CTCF: variants seen among roughly 807,000 people sequenced by gnomAD.
CTCF encodes CCCTC-binding factor.
Under a neutral mutation model 72.3 loss-of-function variants are expected in CTCF, and 7 were observed. The ratio of observed to expected loss-of-function variants is 0.10; its 90% confidence interval spans 0.06 to 0.18. The LOEUF is 0.18. Among genes scored for constraint, CTCF ranks in the 10% least tolerant of loss-of-function variants. The pLI is 1.00. For synonymous variants in CTCF, 374 were observed against 315.8 expected (o/e 1.18, Z -1.95); for missense variants, 516 against 949.1 (o/e 0.54, Z 6.00).
At position 67,639,113 on chromosome 16, in the gene CTCF, G is replaced by A. The variant is rs1211877029; in HGVS notation, c.*1241G>A. 1 of 198,302 alleles carries A rather than the reference G, an allele frequency of 5.0e-6. No homozygotes were observed. Among genetic ancestry groups the A allele is most frequent in the Admixed American group, 6.0e-5 (1 of 16,538 alleles). The allele number at this position is 198,302 out of a possible 1,614,324, so 12.3% of individuals were successfully genotyped here. A position where few individuals can be genotyped will look rare whatever the true frequency, so the allele number is the denominator to read the frequency against. The stretch of plus-strand genomic sequence containing the variant: ...GACCTGTAATAAAATATGTAATGGG[G>A]TTGAAAGCTGGGGAGGAGGATCTAC... On this transcript the variant is annotated 3_prime_UTR_variant, in exon 12 of 12. Transcript: ENST00000264010.
chr16:67,618,230 C>T (rs964138892), intron 5 of CTCF, among the ~76,000 whole-genome samples: 1 of 152,060 alleles, frequency 6.6e-6, no homozygotes, highest in Non-Finnish European at 1.5e-5. Flanking sequence ...GGTGAAACAC[C>T]ATCTGTACTA....
intron 2 of CTCF, 93 bp from the exon 3 acceptor site, chr16:67,610,716 CCATTGATGCCTAATT>C: frequency 1.3e-6 from 1 of 749,024 alleles, no homozygotes; most frequent in Non-Finnish European, 2.0e-6. Flanking sequence ...ATATTAACAA[CCATTGATGCCTAATT>C]CATTCACCAA....
intron 2 of CTCF, among the ~76,000 whole-genome samples, chr16:67,601,743 G>A (rs1201931504): frequency 6.6e-6 from 1 of 151,922 alleles, no homozygotes; most frequent in African/African-American, 2.4e-5. Context: ...ACAGTACTCT[G>A]TCAGCTCAAC....
intron 2 of CTCF, among the ~76,000 whole-genome samples, chr16:67,605,164 G>T (rs187238751): frequency 2.5e-4 from 38 of 151,384 alleles, no homozygotes; most frequent in African/African-American, 9.2e-4. Context: ...TAGTAGAGAT[G>T]GTGTTTCACC....
In CTCF at chr16:67,611,484, G is replaced by T; in HGVS notation, c.652G>T (p.Gly218Cys). 6.2e-7 allele frequency: 1 copy of T among 1,614,138 alleles called. No individual in the cohort carries two copies. Among genetic ancestry groups the T allele is most frequent in the Non-Finnish European group, 8.5e-7 (1 of 1,180,032 alleles). ...KKSKLRYTEE[G>C]KDVDVSVYDF... ...GAGCAAACTGCGTTATACAGAGGAGGGCAAAGATGTAGATGTGTCTGTCTA... is the reference window on the plus strand; with the variant it reads ...GAGCAAACTGCGTTATACAGAGGAGTGCAAAGATGTAGATGTGTCTGTCTA... The change falls in exon 3 of 12, where the codon GGC (glycine) becomes TGC (cysteine). Residue 218 changes from glycine (G) to cysteine (C), a missense_variant. Around this residue, in one of 7 missense-constraint regions of CTCF, gnomAD observed 53 missense variants for 63.6 expected, o/e 0.83. Coordinates refer to ENST00000264010, the MANE Select transcript of CTCF (RefSeq NM_006565.4).
chr16:67,564,316 A>G (rs988352179), intron 1 of CTCF, among the ~76,000 whole-genome samples: 6 of 152,364 alleles, frequency 3.9e-5, no homozygotes, highest in Middle Eastern at 3.4e-3. Flanking sequence ...GAGAGAAGAA[A>G]GTCTGGATTA....
chr16:67,572,583 G>C (rs996327672), intron 2 of CTCF: 1 of 152,120 alleles, frequency 6.6e-6, no homozygotes, highest in South Asian at 2.1e-4. Flanking sequence ...GAGGTGGTGA[G>C]TTAAGTAATT....
chr16:67,588,117 CA>C (rs1035745567), intron 2 of CTCF, among the ~76,000 whole-genome samples: 2 of 152,108 alleles, frequency 1.3e-5, no homozygotes, highest in African/African-American at 2.4e-5. Context: ...CTCGGTCTCC[CA>C]AAGTGCTGGG....
At chr16:67,624,976 G>C (rs2052263456) in intron 7 of CTCF, among the ~76,000 whole-genome samples, 1 of 152,188 alleles carries the variant, frequency 6.6e-6, no homozygotes, top group South Asian at 2.1e-4. Flanking sequence ...CCAGGCTGGA[G>C]TAGAGTGGCG....
intron 9 of CTCF, 115 bp from the exon 10 acceptor site, chr16:67,629,283 A>T: frequency 1.0e-6 from 1 of 968,898 alleles, no homozygotes; most frequent in Non-Finnish European, 1.5e-6. Context: ...TTCAGGACAC[A>T]CTTAGCAGAT....
At chr16:67,581,966 G>A (rs1039001734) in intron 2 of CTCF, among the ~76,000 whole-genome samples, 1 of 151,966 alleles carries the variant, frequency 6.6e-6, no homozygotes, top group Non-Finnish European at 1.5e-5. Context: ...GCTCATGCCT[G>A]TAATCCCAGC....
At position 67,604,800 on chromosome 16, in the gene CTCF, A is replaced by T. The variant is rs946254236; in HGVS notation, c.-9-6024A>T. Among the ~76,000 whole-genome samples, 7 of 144,644 alleles carry T rather than the reference A, an allele frequency of 4.8e-5. No individual in the cohort carries two copies. The Admixed American group carries it at 4.9e-4, about 10-fold the overall frequency. The allele number at this position is 144,644 out of a possible 152,430, so 94.9% of individuals were successfully genotyped here. A position where few individuals can be genotyped will look rare whatever the true frequency, so the allele number is the denominator to read the frequency against. ...ATGAATTTTTTTTACTTAAAATTAC[A>T]TATAATGTGGCTTATGTTTGTGGCT... On this transcript the variant is annotated intron_variant, in intron 2 of 11. Transcript: ENST00000264010.
At chr16:67,595,921 T>C (rs1160978185) in intron 2 of CTCF, among the ~76,000 whole-genome samples, 2 of 152,060 alleles carry the variant, frequency 1.3e-5, no homozygotes, top group African/African-American at 4.8e-5. Context: ...AAGGACAACA[T>C]TGGGGAGTAT....
chr16:67,597,124 C>G (rs1341043782), intron 2 of CTCF, among the ~76,000 whole-genome samples: 1 of 152,126 alleles, frequency 6.6e-6, no homozygotes, highest in East Asian at 1.9e-4. Flanking sequence ...GCCTCAACCT[C>G]CCCAGGTTCA....
chr16:67,581,328 CTTTT>C (rs35180089), intron 2 of CTCF, among the ~76,000 whole-genome samples: 2 of 139,902 alleles, frequency 1.4e-5, no homozygotes, highest in African/African-American at 2.6e-5. Context: ...TGATCTTTTT[CTTTT>C]TTTTTTTTTT....
At chr16:67,588,253 G>C (rs1359882651) in intron 2 of CTCF, among the ~76,000 whole-genome samples, 1 of 152,202 alleles carries the variant, frequency 6.6e-6, no homozygotes, top group Non-Finnish European at 1.5e-5. Context: ...GTTAGGTGTT[G>C]TGTAAATCCT....
At chr16:67,564,682 AT>A (rs2051320013) in intron 1 of CTCF, among the ~76,000 whole-genome samples, 1 of 152,170 alleles carries the variant, frequency 6.6e-6, no homozygotes, top group South Asian at 2.1e-4. Flanking sequence ...TGTTTTATTT[AT>A]TTAAATAAGC....
chr16:67,626,792 A>T, intron 8 of CTCF, 77 bp downstream of exon 8: 1 of 1,070,860 alleles, frequency 9.3e-7, no homozygotes, highest in East Asian at 2.9e-5. Flanking sequence ...TATCTAGTAC[A>T]GTGGCTGTTT....
intron 2 of CTCF, among the ~76,000 whole-genome samples, chr16:67,580,804 CAG>C (rs2051569233): frequency 7.6e-6 from 1 of 132,180 alleles, no homozygotes; most frequent in African/African-American, 3.5e-5. Context: ...TTAGTAGAGA[CAG>C]GGATTCACCA....
Sources: allele counts gnomAD v4.1 joint callset (sites outside exome capture counted in the v4.1 genomes callset), GRCh38; gene constraint gnomAD v4.1.1; regional missense constraint gnomAD v4.1.1; transcripts MANE v1.5; gene names NCBI Gene and HGNC (gene_info 2026-07-23, HGNC 2026-07-21).